Variants in NOVA1 observed in about 807,000 individuals in gnomAD.
The protein encoded by NOVA1 is RNA-binding protein Nova-1.
Under a neutral mutation model 38.0 loss-of-function variants are expected in NOVA1, and 7 were observed. That is an observed-to-expected ratio of 0.18 (90% CI 0.10 to 0.35). The LOEUF (loss-of-function observed/expected upper bound fraction) is 0.35, where lower values mean the gene tolerates loss of function less well. Ranked by LOEUF, NOVA1 falls within the 10% of genes least tolerant of loss-of-function variation. The pLI is 1.00. For synonymous variants in NOVA1, 270 were observed against 232.5 expected, an observed-to-expected ratio of 1.16 and a Z score of -1.47; for missense variants, 460 against 616.0, an observed-to-expected ratio of 0.75 and a Z score of 2.68.
chr14:26,506,964 T>C (rs1048955993), intron 2 of NOVA1, among the ~76,000 whole-genome samples: 1 of 152,210 alleles, frequency 6.6e-6, no homozygotes, highest in Non-Finnish European at 1.5e-5. Context: ...AATGATTTTA[T>C]TTAATCATTC....
intron 4 of NOVA1, among the ~76,000 whole-genome samples, chr14:26,450,697 T>C (rs1882593684): frequency 6.6e-6 from 1 of 152,170 alleles, no homozygotes; most frequent in South Asian, 2.1e-4. Flanking sequence ...GAAAAGTTAA[T>C]GTGTTACAAT....
intron 2 of NOVA1, among the ~76,000 whole-genome samples, chr14:26,563,339 A>AC (rs1418908315): frequency 6.6e-6 from 1 of 151,246 alleles, no homozygotes; most frequent in Admixed American, 6.6e-5. Flanking sequence ...AAAAAAAAAA[A>AC]CAGTAATAAT....
chr14:26,502,192 T>C (rs1250203212), intron 2 of NOVA1, among the ~76,000 whole-genome samples: 1 of 151,860 alleles, frequency 6.6e-6, no homozygotes. Context: ...ACCCTGATGT[T>C]GGACTGAATT....
intron 2 of NOVA1, among the ~76,000 whole-genome samples, chr14:26,532,478 T>C (rs1889788141): frequency 6.6e-6 from 1 of 152,144 alleles, no homozygotes; most frequent in African/African-American, 2.4e-5. Context: ...AAAAGTCAAA[T>C]CTATAGTGAC....
At chr14:26,486,212 G>A (rs178207) in intron 2 of NOVA1, among the ~76,000 whole-genome samples, 140,489 of 152,098 alleles carry the variant, frequency 0.92, 65,710 homozygotes, top group East Asian at 1. Flanking sequence ...ATGTCTGTCT[G>A]TTTACTCTTA....
intron 2 of NOVA1, among the ~76,000 whole-genome samples, chr14:26,493,700 T>A (rs984095686): frequency 2.5e-4 from 37 of 150,458 alleles, no homozygotes; most frequent in African/African-American, 8.5e-4. Context: ...TGGCTCTCTG[T>A]CACCATCTGG....
intron 2 of NOVA1, among the ~76,000 whole-genome samples, chr14:26,575,439 T>C (rs1002619466): frequency 1.3e-5 from 2 of 152,160 alleles, no homozygotes. Flanking sequence ...ATTTAAGAAA[T>C]AACTATGTAA....
intron 2 of NOVA1, among the ~76,000 whole-genome samples, chr14:26,537,831 G>C (rs1428440554): frequency 2.0e-5 from 3 of 152,134 alleles, no homozygotes; most frequent in African/African-American, 7.2e-5. Context: ...ACAGTAATGT[G>C]ATAGAATGTG....
intron 4 of NOVA1, among the ~76,000 whole-genome samples, chr14:26,453,172 G>GTATA (rs1882850239): frequency 3.3e-5 from 1 of 30,176 alleles, no homozygotes; most frequent in Non-Finnish European, 1.1e-4. Flanking sequence ...AATTATGTAT[G>GTATA]TATGTATGTA....
At chr14:26,588,539 A>G (rs1390777363) in intron 2 of NOVA1, 1 of 151,460 alleles carries the variant, frequency 6.6e-6, no homozygotes, top group African/African-American at 2.4e-5. Flanking sequence ...TTCATGATCA[A>G]GATTTGGATA....
In NOVA1 at chr14:26,577,919, T is replaced by C. The variant is rs540763764; in HGVS notation, c.280+17491A>G. 4.6e-4 allele frequency among the ~76,000 whole-genome samples: 70 copies of C among 151,832 alleles called. 1 individual carries two copies. In the Middle Eastern group the frequency reaches 0.014, roughly 30 times the overall value. ...CATTTGGTAGTCATCAAAGAACAGATGGTTATTTAAATCCATGATACTGGA... is the reference window on the plus strand; with the variant it reads ...CATTTGGTAGTCATCAAAGAACAGACGGTTATTTAAATCCATGATACTGGA... On this transcript the variant is annotated intron_variant, in intron 2 of 4. Transcript: ENST00000539517.
intron 2 of NOVA1, among the ~76,000 whole-genome samples, chr14:26,484,750 T>C (rs1057373400): frequency 2.6e-5 from 4 of 152,188 alleles, no homozygotes; most frequent in African/African-American, 4.8e-5. Context: ...TTCATGTTGT[T>C]TGCCTCGTCA....
intron 2 of NOVA1, among the ~76,000 whole-genome samples, chr14:26,591,013 A>G (rs370814752): frequency 6.6e-6 from 1 of 151,660 alleles, no homozygotes. Flanking sequence ...CTTTCTAAAA[A>G]CCCCACAAAA....
At chr14:26,477,050 G>A (rs1220839317) in intron 3 of NOVA1, among the ~76,000 whole-genome samples, 1 of 152,122 alleles carries the variant, frequency 6.6e-6, no homozygotes, top group Non-Finnish European at 1.5e-5. Flanking sequence ...TGTTTACATT[G>A]TAGTTTTGGT....
intron 2 of NOVA1, among the ~76,000 whole-genome samples, chr14:26,581,314 G>A (rs73601995): frequency 0.018 from 2,710 of 152,072 alleles, 72 homozygotes; most frequent in African/African-American, 0.062. Flanking sequence ...ATTAAACTGA[G>A]TACTATATCA....
intron 2 of NOVA1, among the ~76,000 whole-genome samples, chr14:26,564,775 C>T (rs554231381): frequency 9.2e-5 from 14 of 152,190 alleles, no homozygotes; most frequent in Admixed American, 7.9e-4. Flanking sequence ...AATATATAAA[C>T]AATATGGTTA....
At chr14:26,480,212 G>A in intron 2 of NOVA1, 69 bp from the exon 3 acceptor site, 2 of 1,410,794 alleles carry the variant, frequency 1.4e-6, no homozygotes, top group South Asian at 2.7e-5. Flanking sequence ...GAAAAAGGAT[G>A]ATATCATAAC....
intron 4 of NOVA1, among the ~76,000 whole-genome samples, chr14:26,469,026 G>A (rs969106880): frequency 1.3e-5 from 2 of 152,098 alleles, no homozygotes; most frequent in Admixed American, 6.6e-5. Flanking sequence ...CTGATTGAAC[G>A]CTACTGATTC....
chr14:26,590,322 C>G (rs941647266), intron 2 of NOVA1, among the ~76,000 whole-genome samples: 1 of 151,886 alleles, frequency 6.6e-6, no homozygotes, highest in Non-Finnish European at 1.5e-5. Flanking sequence ...AAGCACAAAT[C>G]TCCCACCTTC....
Sources: gnomAD v4.1 joint callset for allele counts (sites outside exome capture counted in the v4.1 genomes callset) on GRCh38, gnomAD v4.1.1 for gene constraint, MANE v1.5 for transcripts, NCBI Gene and HGNC (gene_info 2026-07-23, HGNC 2026-07-21) for gene names.